The following GPR35 variants were observed in gnomAD, a reference collection of about 807,000 sequenced individuals.
GPR35 encodes G protein-coupled receptor 35, also known as KYNA receptor.
For missense variants in GPR35, 372 were observed against 422.5 expected, an observed-to-expected ratio of 0.88 and a Z score of 1.05; for synonymous variants, 207 against 198.4, an observed-to-expected ratio of 1.04 and a Z score of -0.36.
intron 4 of GPR35, among the ~76,000 whole-genome samples, chr2:240,618,609 T>C (rs973515591): frequency 2.0e-5 from 3 of 152,214 alleles, no homozygotes; most frequent in Admixed American, 1.3e-4. Flanking sequence ...ACACAAACAT[T>C]TGACATGAGT....
At chr2:240,614,791 A>T (rs1331762421) in intron 2 of GPR35, among the ~76,000 whole-genome samples, 1 of 152,128 alleles carries the variant, frequency 6.6e-6, no homozygotes, top group Non-Finnish European at 1.5e-5. Context: ...CCAATGATGT[A>T]GCTTATCAGA....
At chr2:240,614,775 G>A (rs2043222342) in intron 2 of GPR35, among the ~76,000 whole-genome samples, 1 of 152,150 alleles carries the variant, frequency 6.6e-6, no homozygotes, top group Admixed American at 6.5e-5. Context: ...CCACCCAGAG[G>A]CCCCTCCAAT....
rs556987539 is a variant in GPR35 at position 240,631,866 on chromosome 2, G to A, written c.*984G>A. Among the ~76,000 whole-genome samples the A allele has an allele frequency of 6.6e-6, 1 of 152,352 alleles. No homozygotes were observed. The highest frequency in any genetic ancestry group is 1.9e-4 in the East Asian group (1 of 5,184). The stretch of plus-strand genomic sequence containing the variant: ...GTCATCCCATATTGCATGTCCACAG[G>A]CACCGCCCCACCCTGTTCCATGTTC... On this transcript the variant is annotated 3_prime_UTR_variant, in exon 2 of 2. Transcript: ENST00000407714.
intron 2 of GPR35, among the ~76,000 whole-genome samples, chr2:240,608,998 CA>C (rs1171790595): frequency 6.6e-6 from 1 of 152,116 alleles, no homozygotes; most frequent in Non-Finnish European, 1.5e-5. Flanking sequence ...ATCAAGATGT[CA>C]AATGTAATTT....
upstream of GPR35, among the ~76,000 whole-genome samples, chr2:240,623,425 G>A (rs183541536): frequency 5.3e-5 from 4 of 75,002 alleles, no homozygotes; most frequent in African/African-American, 2.1e-4. Flanking sequence ...TCGTGAGGGC[G>A]CAAACAGGTC....
chr2:240,621,966 A>G (rs554859168), upstream of GPR35, among the ~76,000 whole-genome samples: 3 of 152,206 alleles, frequency 2.0e-5, no homozygotes, highest in East Asian at 3.9e-4. Flanking sequence ...TCTGCCTCCC[A>G]GGCTCAGGTG....
At chr2:240,629,035 C>G (rs764465034) in intron 1 of GPR35, 10 of 152,342 alleles carry the variant, frequency 6.6e-5, no homozygotes, top group Non-Finnish European at 1.5e-5. Flanking sequence ...GTCCTGGACA[C>G]CAGACCCTGC....
intron 2 of GPR35, among the ~76,000 whole-genome samples, chr2:240,607,852 C>A (rs767497600): frequency 2.0e-5 from 3 of 151,480 alleles, no homozygotes; most frequent in Non-Finnish European, 4.4e-5. Context: ...TCTTCCTCCT[C>A]CTCCTCCTCC....
At chr2:240,613,894 CT>C (rs2043212207) in intron 2 of GPR35, among the ~76,000 whole-genome samples, 1 of 151,532 alleles carries the variant, frequency 6.6e-6, no homozygotes, top group African/African-American at 2.4e-5. Flanking sequence ...AACCTTACCC[CT>C]AACCATAACA....
chr2:240,623,396 TCGTGAGGGC>T (rs2043326345), upstream of GPR35, among the ~76,000 whole-genome samples: 4 of 82,598 alleles, frequency 4.8e-5, no homozygotes, highest in African/African-American at 1.9e-4. Context: ...CGCAAACAGG[TCGTGAGGGC>T]GCAAACAGAT....
In GPR35 at chr2:240,609,107, AT is replaced by A. The variant is rs536844626; in HGVS notation, c.-577+2503del. 8.0e-3 allele frequency among the ~76,000 whole-genome samples: 1,211 copies of A among 151,214 alleles called. 15 individuals are homozygous for A. Among genetic ancestry groups the A allele is most frequent in the African/African-American group, 0.028 (1,145 of 41,210 alleles). ...TATTCCTGATATTAGTAATTTGTGGATTTTTTTTCTTTGATCAATCTAGCCA... is the reference window on the plus strand; with the variant it reads ...TATTCCTGATATTAGTAATTTGTGGATTTTTTTCTTTGATCAATCTAGCCA... On this transcript the variant is annotated intron_variant, in intron 2 of 5. Transcript: ENST00000319838.
In GPR35 at chr2:240,631,980, G is replaced by A. The variant is rs573704444; in HGVS notation, c.*1098G>A. Among the ~76,000 whole-genome samples the A allele has an allele frequency of 2.8e-4, 40 of 141,730 alleles. No individual in the cohort carries two copies. The East Asian group carries it at 4.9e-3, about 18-fold the overall frequency. 93.0% of individuals were successfully genotyped at this position (141,730 alleles called of 152,430 possible). ...TGGCATCTCACAGGACCCAGGCTCC[G>A]GAGGGCCCATGCCCAGGAGAGCCCC... is the stretch of plus-strand genomic sequence containing the variant. On this transcript the variant is annotated 3_prime_UTR_variant, in exon 2 of 2. Transcript: ENST00000407714.
chr2:240,617,730 T>C (rs916524946), intron 4 of GPR35: 1 of 166,146 alleles, frequency 6.0e-6, no homozygotes, highest in Non-Finnish European at 1.3e-5. Context: ...AGTTCATGAG[T>C]TTAAACATTT....
intron 4 of GPR35, chr2:240,618,817 TCA>T: frequency 7.5e-6 from 4 of 532,396 alleles, no homozygotes; most frequent in African/African-American, 1.9e-5. Context: ...ATGCTTTTTT[TCA>T]TTTACAAATA....
intron 3 of GPR35, chr2:240,616,995 G>T (rs1366799398): frequency 1.3e-6 from 1 of 768,166 alleles, no homozygotes; most frequent in Non-Finnish European, 2.4e-6. Flanking sequence ...GGAGCTGGAA[G>T]TGAATCTCAT....
chr2:240,630,173 C>G lies in GPR35; in HGVS notation c.221C>G (p.Pro74Arg). Residue 74 changes from proline (P) to arginine (R), a missense_variant, in exon 2 of 2, where the codon CCC becomes CGC. Pro to Arg is a moderately radical substitution (Grantham distance 103). Coordinates refer to ENST00000407714, the MANE Select transcript of GPR35 (RefSeq NM_005301.5). ...VADLCLLCTL[P>R]FVLHSLRDTS... Reference sequence around the variant, plus strand: ...GACCTCTGCCTGCTGTGCACCTTGCCCTTCGTGCTGCACTCCCTGCGAGAC... The same window carrying G: ...GACCTCTGCCTGCTGTGCACCTTGCGCTTCGTGCTGCACTCCCTGCGAGAC... 1.1e-5 allele frequency: 17 copies of G among 1,592,960 alleles called. No homozygotes were observed. The highest frequency in any genetic ancestry group is 1.4e-5 in the Non-Finnish European group (17 of 1,172,572).
At chr2:240,627,843 A>T (rs2125487939) in intron 1 of GPR35, 1 of 151,878 alleles carries the variant, frequency 6.6e-6, no homozygotes, top group African/African-American at 2.4e-5. Flanking sequence ...AGCCCTGGGT[A>T]TGTGTGACCT....
chr2:240,632,866 A>G lies in GPR35; in HGVS notation c.*1984A>G, dbSNP rs1575472287. Among the ~76,000 whole-genome samples, 1 of 151,912 alleles carries G rather than the reference A, an allele frequency of 6.6e-6. No homozygotes were observed. Among genetic ancestry groups the G allele is most frequent in the African/African-American group, 2.4e-5 (1 of 41,414 alleles). On this transcript the variant is annotated 3_prime_UTR_variant, in exon 2 of 2. Transcript: ENST00000407714. ...GGCTTTGTGTCTCCACCCAAATCTC[A>G]TCTTGAATTGTAATCCCTATAATAA...
At chr2:240,619,270 C>A (rs957534313) in intron 5 of GPR35, among the ~76,000 whole-genome samples, 3 of 152,130 alleles carry the variant, frequency 2.0e-5, no homozygotes, top group African/African-American at 7.2e-5. Flanking sequence ...TTTTTATGAT[C>A]GTTTTGAGCT....
Sources: allele counts gnomAD v4.1 joint callset (sites outside exome capture counted in the v4.1 genomes callset), GRCh38; gene constraint gnomAD v4.1.1; transcripts MANE v1.5; gene names NCBI Gene and HGNC (gene_info 2026-07-23, HGNC 2026-07-21).